The following TBC1D32 variants were observed in gnomAD, a reference collection of about 807,000 sequenced individuals.
TBC1D32 encodes the protein TBC1 domain family member 32, also known as protein broad-minded.
Under a neutral mutation model 170.3 loss-of-function variants are expected in TBC1D32, and 151 were observed. The ratio of observed to expected loss-of-function variants is 0.89; its 90% CI spans 0.78 to 1.01. The LOEUF (loss-of-function observed/expected upper bound fraction) is 1.01. Ranked by LOEUF, TBC1D32 falls within the 50% of genes least tolerant of loss-of-function variation. The pLI, the probability that TBC1D32 is intolerant of heterozygous loss-of-function variation, is 0.00. For synonymous variants in TBC1D32, 498 were observed against 488.0 expected (o/e 1.02, Z -0.27); for missense variants, 1,464 against 1,457.1 (o/e 1.00, Z -0.08).
At chr6:121,139,056 C>CATCTACTAA (rs1239971159) in intron 24 of TBC1D32, among the ~76,000 whole-genome samples, 1 of 152,086 alleles carries the variant, frequency 6.6e-6, no homozygotes, top group African/African-American at 2.4e-5. Flanking sequence ...CTGTGTTAGC[C>CATCTACTAA]AGGATGGTCT....
At chr6:121,333,295 A>C (rs1336682350) in intron 1 of TBC1D32, among the ~76,000 whole-genome samples, 1 of 152,178 alleles carries the variant, frequency 6.6e-6, no homozygotes, top group African/African-American at 2.4e-5. Context: ...CTTAACTTAA[A>C]TTATATGAAC....
At chr6:121,190,900 T>A (rs896038615) in intron 22 of TBC1D32, among the ~76,000 whole-genome samples, 2 of 151,660 alleles carry the variant, frequency 1.3e-5, no homozygotes, top group Non-Finnish European at 2.9e-5. Flanking sequence ...CTTCTCTTTA[T>A]CCCGCCACTT....
intron 31 of TBC1D32, among the ~76,000 whole-genome samples, chr6:121,085,300 CAT>C (rs1368570179): frequency 1.6e-4 from 23 of 143,112 alleles, no homozygotes; most frequent in African/African-American, 2.6e-4. Context: ...TATATACATA[CAT>C]ATATATACAT....
intron 1 of TBC1D32, among the ~76,000 whole-genome samples, chr6:121,322,363 T>C (rs752595074): frequency 6.6e-6 from 1 of 152,168 alleles, no homozygotes; most frequent in Non-Finnish European, 1.5e-5. Flanking sequence ...CAATTTATCC[T>C]ACCAGATCTA....
At chr6:121,302,541 T>TA (rs957639825) in intron 9 of TBC1D32, among the ~76,000 whole-genome samples, 5 of 151,614 alleles carry the variant, frequency 3.3e-5, no homozygotes, top group Non-Finnish European at 7.4e-5. Flanking sequence ...CTGATTTTGT[T>TA]AAAAAAAAGA....
intron 21 of TBC1D32, among the ~76,000 whole-genome samples, chr6:121,220,043 T>C (rs977888336): frequency 5.3e-5 from 8 of 152,314 alleles, no homozygotes; most frequent in Admixed American, 3.3e-4. Flanking sequence ...TCCTGGGGCC[T>C]CCTTATTACC....
chr6:121,215,790 C>T (rs939915820), intron 21 of TBC1D32, among the ~76,000 whole-genome samples: 2 of 152,000 alleles, frequency 1.3e-5, no homozygotes, highest in African/African-American at 2.4e-5. Context: ...CAAATCAAAA[C>T]CAAAATAAGA....
At position 121,326,085 on chromosome 6, in the gene TBC1D32, G is replaced by T. The variant is rs144908857; in HGVS notation, c.156-4291C>A. Among the ~76,000 whole-genome samples the T allele has an allele frequency of 5.9e-5, 9 of 152,122 alleles. 1 individual carries two copies. The East Asian group carries it at 7.7e-4, about 13-fold the overall frequency. On this transcript the variant is annotated intron_variant, in intron 1 of 31. Coordinates refer to ENST00000398212, the MANE Select transcript of TBC1D32 (RefSeq NM_152730.6). ...ACCACAATGAGAAGTAGAACTCTTG[G>T]GTATGCTTTGTTATAAAGCCCAATC...
chr6:121,330,259 CCTGGTGTTAAGTGAT>C (rs1375543046), intron 1 of TBC1D32, among the ~76,000 whole-genome samples: 2 of 152,046 alleles, frequency 1.3e-5, no homozygotes, highest in Non-Finnish European at 2.9e-5. Context: ...GTCTTGAACT[CCTGGTGTTAAGTGAT>C]CTGCCCACCT....
rs1475606795 is a variant in TBC1D32 at position 121,308,238 on chromosome 6, T to C, written c.565-137A>G. 60 of 848,166 alleles carry C rather than the reference T, an allele frequency of 7.1e-5. No individual in the cohort carries two copies. The South Asian group carries it at 8.4e-4, about 12-fold the overall frequency. The allele number at this position is 848,166 out of a possible 1,614,324, so 52.5% of individuals were successfully genotyped here. ...GAATGATTTATCAGATGCCTTTATATTAAAAAGCTCTTGAGAAATCATTTT... is the reference window on the plus strand; with the variant it reads ...GAATGATTTATCAGATGCCTTTATACTAAAAAGCTCTTGAGAAATCATTTT... On this transcript the variant is annotated intron_variant, in intron 4 of 31. Transcript: ENST00000398212.
At chr6:121,320,762 T>G (rs1809593831) in intron 2 of TBC1D32, among the ~76,000 whole-genome samples, 1 of 152,204 alleles carries the variant, frequency 6.6e-6, no homozygotes, top group Non-Finnish European at 1.5e-5. Context: ...CAAAATAATT[T>G]TTTAAAGTTT....
chr6:121,120,335 A>T (rs1780130270), intron 26 of TBC1D32, among the ~76,000 whole-genome samples: 1 of 152,104 alleles, frequency 6.6e-6, no homozygotes, highest in African/African-American at 2.4e-5. Flanking sequence ...TAACGCATGC[A>T]CACTGAGCAA....
intron 29 of TBC1D32, among the ~76,000 whole-genome samples, chr6:121,109,744 T>C (rs554937895): frequency 8.5e-4 from 130 of 152,316 alleles, no homozygotes; most frequent in Middle Eastern, 3.4e-3. Flanking sequence ...TTTTTCAAAC[T>C]ATTTTTATCT....
intron 22 of TBC1D32, among the ~76,000 whole-genome samples, chr6:121,201,563 T>G (rs1322696860): frequency 6.6e-6 from 1 of 151,408 alleles, no homozygotes; most frequent in Non-Finnish European, 1.5e-5. Context: ...TAGAGGAATC[T>G]CTTCGAAAAT....
At chr6:121,168,712 T>TAAAAAAAAAAAAA (rs59283869) in intron 22 of TBC1D32, among the ~76,000 whole-genome samples, 7 of 93,890 alleles carry the variant, frequency 7.5e-5, no homozygotes, top group African/African-American at 1.8e-4. Context: ...TAGAGTATAA[T>TAAAAAAAAAAAAA]AAAAAAAAAA....
At chr6:121,279,395 T>C (rs1802681198) in intron 14 of TBC1D32, 150 bp from the exon 15 acceptor site, 1 of 911,036 alleles carries the variant, frequency 1.1e-6, no homozygotes, top group African/African-American at 1.8e-5. Context: ...TGAAATAATA[T>C]GTCTGAAAAA....
intron 1 of TBC1D32, among the ~76,000 whole-genome samples, chr6:121,330,299 G>A (rs752111354): frequency 2.0e-5 from 3 of 152,280 alleles, no homozygotes; most frequent in South Asian, 2.1e-4. Flanking sequence ...TTCTCAAAGT[G>A]CTGGGTTTAC....
intron 22 of TBC1D32, among the ~76,000 whole-genome samples, chr6:121,190,093 C>G (rs1290325684): frequency 1.4e-5 from 2 of 137,978 alleles, no homozygotes; most frequent in African/African-American, 5.6e-5. Context: ...CACACACACA[C>G]ACACACACAC....
At chr6:121,276,623 CAA>C (rs1426260544) in intron 15 of TBC1D32, among the ~76,000 whole-genome samples, 2 of 152,114 alleles carry the variant, frequency 1.3e-5, no homozygotes, top group African/African-American at 4.8e-5. Context: ...GATTAAAAGT[CAA>C]GACCCAACTA....
Sources: allele counts gnomAD v4.1 joint callset (sites outside exome capture counted in the v4.1 genomes callset), GRCh38; gene constraint gnomAD v4.1.1; transcripts MANE v1.5; gene names NCBI Gene and HGNC (gene_info 2026-07-23, HGNC 2026-07-21).